Variants in ZNF362 observed in about 807,000 individuals in gnomAD.
The protein encoded by ZNF362 is zinc finger protein 362.
A neutral mutation model predicts 42.9 loss-of-function variants in ZNF362; 11 were observed. The observed-to-expected ratio is 0.26, with a 90% confidence interval of 0.16 to 0.42. The LOEUF (loss-of-function observed/expected upper bound fraction) is 0.42. Among genes scored for constraint, ZNF362 ranks in the 20% least tolerant of loss-of-function variants. The pLI is 1.00. For missense variants in ZNF362, 362 were observed against 576.2 expected, an observed-to-expected ratio of 0.63 and a Z score of 3.81; for synonymous variants, 255 against 257.3, an observed-to-expected ratio of 0.99 and a Z score of 0.09.
the ZNF362 span, among the ~76,000 whole-genome samples, chr1:33,220,021 G>A: frequency 6.6e-6 from 1 of 152,204 alleles, no homozygotes; most frequent in Non-Finnish European, 1.5e-5. Context: ...TGGAAAAATG[G>A]GTTTCTGATG....
the ZNF362 span, among the ~76,000 whole-genome samples, chr1:33,243,237 C>G: frequency 6.6e-6 from 1 of 151,260 alleles, no homozygotes; most frequent in East Asian, 2.0e-4. Context: ...CTCACTGAAA[C>G]CCTCCGCCTC....
In ZNF362 at chr1:33,280,859, A is replaced by G. The variant is rs879376965; in HGVS notation, c.683+402A>G. Among the ~76,000 whole-genome samples, 3 of 152,194 alleles carry G rather than the reference A, an allele frequency of 2.0e-5. No individual in the cohort carries two copies. Among genetic ancestry groups the G allele is most frequent in the Non-Finnish European group, 4.4e-5 (3 of 68,010 alleles). Reference sequence around the variant, plus strand: ...CAAGGCGGGTGGATCACCTGCGGTCAGGAGTTTGAGACCAGCCTGGCCAGC... The same window carrying G: ...CAAGGCGGGTGGATCACCTGCGGTCGGGAGTTTGAGACCAGCCTGGCCAGC... On this transcript the variant is annotated intron_variant, in intron 5 of 8. Transcript: ENST00000539719. The surrounding 1 kb of genome is among the most constrained non-coding windows in gnomAD (Gnocchi z 5.6).
chr1:33,212,600 G>A, the ZNF362 span, among the ~76,000 whole-genome samples: 1 of 152,294 alleles, frequency 6.6e-6, no homozygotes, highest in African/African-American at 2.4e-5. Context: ...AATCATGGCA[G>A]AAGACAAAGG....
At chr1:33,174,771 C>T in the ZNF362 span, among the ~76,000 whole-genome samples, 1 of 152,108 alleles carries the variant, frequency 6.6e-6, no homozygotes, top group South Asian at 2.1e-4. Context: ...GTTACAGCAA[C>T]CTACCAGTTT....
the ZNF362 span, among the ~76,000 whole-genome samples, chr1:33,249,265 A>ATCAG: frequency 6.6e-6 from 1 of 152,204 alleles, no homozygotes; most frequent in Non-Finnish European, 1.5e-5. Context: ...AGCAAGAGGA[A>ATCAG]TCAGCATGCC....
At chr1:33,264,571 G>C (rs1570383684) in intron 1 of ZNF362, among the ~76,000 whole-genome samples, 1 of 152,188 alleles carries the variant, frequency 6.6e-6, no homozygotes, top group African/African-American at 2.4e-5. Context: ...AATCCCAAAG[G>C]CCTGAGCTGG....
intron 2 of ZNF362, among the ~76,000 whole-genome samples, chr1:33,271,587 G>A (rs1570390487): frequency 1.3e-5 from 2 of 152,242 alleles, no homozygotes; most frequent in African/African-American, 4.8e-5. Flanking sequence ...TCCTGGTGAG[G>A]CGACAGTGGC....
the ZNF362 span, among the ~76,000 whole-genome samples, chr1:33,212,658 G>A: frequency 6.6e-6 from 1 of 152,094 alleles, no homozygotes; most frequent in African/African-American, 2.4e-5. Context: ...ACAGAGAGGT[G>A]GTGGGGTGCA....
intron 6 of ZNF362, among the ~76,000 whole-genome samples, chr1:33,284,739 GAAAAA>G (rs1385617451): frequency 6.7e-6 from 1 of 150,264 alleles, no homozygotes; most frequent in African/African-American, 2.4e-5. Flanking sequence ...CAGTAATAAA[GAAAAA>G]AAAAGACCTT....
At chr1:33,263,941 C>A (rs1645846713) in intron 1 of ZNF362, among the ~76,000 whole-genome samples, 1 of 152,168 alleles carries the variant, frequency 6.6e-6, no homozygotes, top group South Asian at 2.1e-4. Context: ...ATTTGTCCAC[C>A]CCACACCCTC....
At chr1:33,176,704 AGG>A in the ZNF362 span, among the ~76,000 whole-genome samples, 1 of 152,212 alleles carries the variant, frequency 6.6e-6, no homozygotes, top group Non-Finnish European at 1.5e-5. Context: ...GAGGTAGCTC[AGG>A]GACGGTATGT....
At chr1:33,275,063 G>A (rs1015222646) in intron 2 of ZNF362, 3 of 985,396 alleles carry the variant, frequency 3.0e-6, no homozygotes, top group Non-Finnish European at 3.6e-6. Context: ...GGTCTTTCCT[G>A]TCAAAATAAA....
chr1:33,158,245 T>C, the ZNF362 span: 24 of 1,610,426 alleles, frequency 1.5e-5, no homozygotes, highest in Non-Finnish European at 2.0e-5. Context: ...TGATAACCCA[T>C]GCCTTACCTG....
At chr1:33,252,027 A>T (rs957491899), upstream of ZNF362, among the ~76,000 whole-genome samples, 1 of 152,166 alleles carries the variant, frequency 6.6e-6, no homozygotes, top group Non-Finnish European at 1.5e-5. Flanking sequence ...ACCTCCAGGC[A>T]GAAGCAGTGA....
chr1:33,167,147 T>G, the ZNF362 span, among the ~76,000 whole-genome samples: 6 of 152,308 alleles, frequency 3.9e-5, no homozygotes, highest in East Asian at 1.2e-3. The surrounding 1 kb of genome is among the most constrained non-coding windows in gnomAD (Gnocchi z 4.2). Flanking sequence ...TACCATTAAT[T>G]TAACTCAGAT....
chr1:33,150,343 T>C, the ZNF362 span, among the ~76,000 whole-genome samples: 1 of 152,242 alleles, frequency 6.6e-6, no homozygotes, highest in South Asian at 2.1e-4. Flanking sequence ...AGAAATAAGA[T>C]GCCTCAATGA....
chr1:33,166,596 G>A, the ZNF362 span, among the ~76,000 whole-genome samples: 4 of 152,236 alleles, frequency 2.6e-5, no homozygotes, highest in South Asian at 6.3e-4. Flanking sequence ...GATACAGAGA[G>A]GTCAAGAAAC....
At chr1:33,142,581 G>A in the ZNF362 span, 1 of 152,240 alleles carries the variant, frequency 6.6e-6, no homozygotes, top group African/African-American at 2.4e-5. Context: ...GACTTGCTCA[G>A]GGTCACATGG....
intron 1 of ZNF362, among the ~76,000 whole-genome samples, chr1:33,263,719 A>G (rs866084574): frequency 2.0e-5 from 3 of 152,106 alleles, no homozygotes; most frequent in Non-Finnish European, 4.4e-5. Flanking sequence ...CCACATGATG[A>G]TTAAGATTAG....
Sources: allele counts gnomAD v4.1 joint callset (sites outside exome capture counted in the v4.1 genomes callset), GRCh38; gene constraint gnomAD v4.1.1; non-coding constraint Gnocchi (gnomAD v3.1); transcripts MANE v1.5; gene names NCBI Gene and HGNC (gene_info 2026-07-23, HGNC 2026-07-21).